The following CBFA2T2 variants were observed in gnomAD, a reference collection of about 807,000 sequenced individuals.
CBFA2T2 encodes CBFA2/RUNX1 partner transcriptional co-repressor 2.
Under a neutral mutation model 62.2 loss-of-function variants are expected in CBFA2T2, and 11 were observed. The ratio of observed to expected loss-of-function variants is 0.18; its 90% confidence interval spans 0.11 to 0.29. The LOEUF is 0.29. Among genes scored for constraint, CBFA2T2 ranks in the 10% least tolerant of loss-of-function variants. The probability of loss-of-function intolerance (pLI) is 1.00; values close to 1 mark genes in which losing one functional copy is unlikely to be tolerated. For synonymous variants in CBFA2T2, 295 were observed against 287.5 expected (o/e 1.03, Z -0.27); for missense variants, 592 against 774.1 (o/e 0.76, Z 2.79).
intron 1 of CBFA2T2, among the ~76,000 whole-genome samples, chr20:33,529,781 A>T (rs1448895761): frequency 2.6e-4 from 13 of 50,312 alleles, no homozygotes; most frequent in Admixed American, 3.4e-4. Flanking sequence ...ATATATATAT[A>T]TTTCTTTTTT....
intron 3 of CBFA2T2, 142 bp from the exon 4 acceptor site, chr20:33,619,375 C>G: frequency 2.1e-6 from 1 of 468,730 alleles, no homozygotes; most frequent in East Asian, 3.6e-5. Context: ...CCACTGCGCT[C>G]TGGCCTGGGC....
chr20:33,594,734 T>C (rs2014813879), intron 1 of CBFA2T2, among the ~76,000 whole-genome samples: 1 of 152,228 alleles, frequency 6.6e-6, no homozygotes, highest in South Asian at 2.1e-4. Flanking sequence ...TCCATCAGTC[T>C]CAGATTCTCT....
At chr20:33,578,000 C>T (rs1203209174) in intron 1 of CBFA2T2, among the ~76,000 whole-genome samples, 1 of 152,160 alleles carries the variant, frequency 6.6e-6, no homozygotes, top group African/African-American at 2.4e-5. Context: ...TCTTGTCCTA[C>T]TCAAATCTTG....
chr20:33,629,660 C>T, intron 7 of CBFA2T2, 59 bp from the exon 8 acceptor site: 5 of 1,461,510 alleles, frequency 3.4e-6, no homozygotes, highest in Non-Finnish European at 4.7e-6. Context: ...GCCTGATTTA[C>T]AGTGTTGGTT....
Position 33,624,889 on chromosome 20 carries a change from G to A in CBFA2T2, c.818G>A (p.Gly273Asp), listed in dbSNP as rs762596928. Reference sequence around the variant, plus strand: ...ACTGTGCCCCTCATGAATCCCGGGGGCCAATTCCATCCTACCCCTCCACCT... The same window carrying A: ...ACTGTGCCCCTCATGAATCCCGGGGACCAATTCCATCCTACCCCTCCACCT... ...ALTVPLMNPG[G>D]QFHPTPPPLQ... Residue 273 changes from glycine (G) to aspartate (D), a missense_variant, in exon 6 of 11, where the codon GGC (glycine) becomes GAC (aspartate). By Grantham distance (94) the Gly-to-Asp change is moderately conservative. Around this residue, in one of 3 missense-constraint regions of CBFA2T2, gnomAD observed 449 missense variants for 551.2 expected, o/e 0.81. Coordinates refer to ENST00000342704, the MANE Select transcript of CBFA2T2 (RefSeq NM_001032999.3). 1.9e-6 allele frequency: 3 copies of A among 1,613,932 alleles called. No individual in the cohort carries two copies. Among genetic ancestry groups the A allele is most frequent in the South Asian group, 2.2e-5 (2 of 91,078 alleles).
intron 1 of CBFA2T2, among the ~76,000 whole-genome samples, chr20:33,596,919 G>GTTTTTTTTTTTTTTTTTTTTTT (rs59278499): frequency 8.0e-6 from 1 of 125,372 alleles, no homozygotes. Flanking sequence ...CTTGACCTCT[G>GTTTTTTTTTTTTTTTTTTTTTT]TTTTTTTTTT....
chr20:33,494,373 C>T (rs1229976649), intron 1 of CBFA2T2, among the ~76,000 whole-genome samples: 1 of 142,264 alleles, frequency 7.0e-6, no homozygotes, highest in Non-Finnish European at 1.5e-5. Context: ...GCTCCACCTC[C>T]TGGGTTCACG....
intron 1 of CBFA2T2, among the ~76,000 whole-genome samples, chr20:33,582,983 A>T (rs1333223389): frequency 1.3e-5 from 2 of 151,666 alleles, no homozygotes; most frequent in Admixed American, 1.3e-4. Context: ...TTATTAAACA[A>T]CTTCTTTCTT....
At chr20:33,626,769 C>T (rs1389577572) in intron 6 of CBFA2T2, among the ~76,000 whole-genome samples, 1 of 152,172 alleles carries the variant, frequency 6.6e-6, no homozygotes. Context: ...AGTGGGGCCC[C>T]TGGCATCATG....
At chr20:33,638,510 C>A (rs745671049) in intron 9 of CBFA2T2, among the ~76,000 whole-genome samples, 10 of 152,134 alleles carry the variant, frequency 6.6e-5, no homozygotes, top group Non-Finnish European at 1.3e-4. Flanking sequence ...AGCATTGTTA[C>A]ACTGGCTCAA....
At chr20:33,548,268 A>T (rs1321959335) in intron 1 of CBFA2T2, among the ~76,000 whole-genome samples, 2 of 148,792 alleles carry the variant, frequency 1.3e-5, no homozygotes, top group African/African-American at 5.0e-5. Context: ...TTTTTTTGAG[A>T]TGGAGTCTAC....
intron 1 of CBFA2T2, chr20:33,574,291 G>A: frequency 6.3e-7 from 1 of 1,598,174 alleles, no homozygotes; most frequent in Non-Finnish European, 8.6e-7. Context: ...TTCTAATAGA[G>A]GACTAATTTA....
At chr20:33,513,057 T>G (rs1286784063) in intron 1 of CBFA2T2, among the ~76,000 whole-genome samples, 1 of 151,882 alleles carries the variant, frequency 6.6e-6, no homozygotes, top group Non-Finnish European at 1.5e-5. Flanking sequence ...CGGCCACGTA[T>G]GTATGTCTTT....
At position 33,535,618 on chromosome 20, in the gene CBFA2T2, TTTTTC is replaced by T. The variant is rs1282028647; in HGVS notation, c.34+45322_34+45326del. Among the ~76,000 whole-genome samples the T allele has an allele frequency of 1.5e-4, 21 of 144,124 alleles. No homozygotes were observed. The East Asian group carries it at 1.9e-3, about 13-fold the overall frequency. The allele number at this position is 144,124 out of a possible 152,430, so 94.6% of individuals were successfully genotyped here. On this transcript the variant is annotated intron_variant, in intron 1 of 10. Coordinates refer to ENST00000342704, the MANE Select transcript of CBFA2T2 (RefSeq NM_001032999.3). ...TTGAGTTTTATTTTTATTTTTTTAT[TTTTTC>T]TTTTTTTTTTTGACCTTTTAAATAT...
chr20:33,542,562 TTTG>T (rs1396759152), intron 1 of CBFA2T2, among the ~76,000 whole-genome samples: 2 of 152,170 alleles, frequency 1.3e-5, no homozygotes, highest in Non-Finnish European at 2.9e-5. Context: ...GCATTTGAGT[TTTG>T]TTGTTGTTTT....
In CBFA2T2 at chr20:33,536,867, G is replaced by A. The variant is rs192473795; in HGVS notation, c.34+46566G>A. Among the ~76,000 whole-genome samples the A allele has an allele frequency of 4.9e-3, 729 of 150,042 alleles. 7 individuals carry two copies. Among genetic ancestry groups the A allele is most frequent in the Non-Finnish European group, 6.4e-3 (432 of 67,482 alleles). On this transcript the variant is annotated intron_variant, in intron 1 of 10. Transcript: ENST00000342704. The stretch of plus-strand genomic sequence containing the variant: ...GATGGGATGGCGGCTGGGCAGAGAC[G>A]CTCCTCACTTCCTAGACGGGATGGC...
At chr20:33,603,302 T>G (rs901678293) in intron 1 of CBFA2T2, among the ~76,000 whole-genome samples, 3 of 152,210 alleles carry the variant, frequency 2.0e-5, no homozygotes, top group African/African-American at 7.2e-5. Flanking sequence ...TTTCATCTGT[T>G]TTCTGTTTTC....
chr20:33,644,264 C>A, intron 10 of CBFA2T2, 83 bp from the exon 11 acceptor site: 1 of 1,481,046 alleles, frequency 6.8e-7, no homozygotes, highest in Non-Finnish European at 9.2e-7. Context: ...CTACATACAG[C>A]CCCTTGCTTT....
chr20:33,638,527 G>T (rs1211853375), intron 9 of CBFA2T2, among the ~76,000 whole-genome samples: 1 of 152,118 alleles, frequency 6.6e-6, no homozygotes, highest in Non-Finnish European at 1.5e-5. Flanking sequence ...TCAATAAGAG[G>T]CATCTGATAA....
Sources: gnomAD v4.1 joint callset for allele counts (sites outside exome capture counted in the v4.1 genomes callset) on GRCh38, gnomAD v4.1.1 for gene constraint, gnomAD v4.1.1 regional missense constraint, MANE v1.5 for transcripts, NCBI Gene and HGNC (gene_info 2026-07-23, HGNC 2026-07-21) for gene names.